The following CRTAC1 variants were observed in gnomAD, a reference collection of about 807,000 sequenced individuals.
The protein encoded by CRTAC1 is acidic secreted protein in cartilage.
CRTAC1 carries 37 observed loss-of-function variants against 67.8 expected under a neutral mutation model. That is an observed-to-expected ratio of 0.55 (90% CI 0.42 to 0.72). CRTAC1 has a LOEUF of 0.72. CRTAC1 is among the 30% of genes least tolerant of loss of function. CRTAC1 has a pLI of 0.00. For missense variants in CRTAC1, 780 were observed against 931.6 expected, an observed-to-expected ratio of 0.84 and a Z score of 2.12; for synonymous variants, 348 against 371.0, an observed-to-expected ratio of 0.94 and a Z score of 0.71.
At chr10:98,026,321 A>G (rs1392274366) in intron 1 of CRTAC1, among the ~76,000 whole-genome samples, 1 of 152,112 alleles carries the variant, frequency 6.6e-6, no homozygotes, top group Non-Finnish European at 1.5e-5. Context: ...TGAGAGGGGG[A>G]AGGGTCAGCC....
In CRTAC1 at chr10:97,895,316, GC is replaced by G; in HGVS notation, c.1414del (p.Ala472ProfsTer3). 2 of 1,613,806 alleles carry G rather than the reference GC, an allele frequency of 1.2e-6. No homozygotes were observed. The highest frequency in any genetic ancestry group is 2.2e-5 in the South Asian group (2 of 91,054). ...KVVLYTKKSG[A>X]HLRIIDGGSG... Reference sequence around the variant, plus strand: ...GCCCCCGTCGATGATCCTCAGGTGGGCCCCACTCTTCTTGGTGTAGAGCACG... The same window carrying G: ...GCCCCCGTCGATGATCCTCAGGTGGGCCCACTCTTCTTGGTGTAGAGCACG... On this transcript the variant is annotated frameshift_variant, in exon 11 of 15. Coordinates refer to ENST00000370597, the MANE Select transcript of CRTAC1 (RefSeq NM_018058.7). LOFTEE classifies it high-confidence loss of function. This position sits in a 1 kb window ranked among gnomAD's most constrained non-coding sequence, Gnocchi z 4.2.
intron 2 of CRTAC1, among the ~76,000 whole-genome samples, chr10:97,946,513 C>T (rs2051266434): frequency 6.6e-6 from 1 of 152,196 alleles, no homozygotes; most frequent in African/African-American, 2.4e-5. Context: ...CTGATTGGCT[C>T]AGGGTGGGTC....
chr10:97,914,573 C>A (rs2050732337), intron 5 of CRTAC1, among the ~76,000 whole-genome samples: 1 of 152,322 alleles, frequency 6.6e-6, no homozygotes, highest in South Asian at 2.1e-4. Context: ...GGCTCCAGAC[C>A]CTGTCCCCTC....
At chr10:97,987,286 C>T (rs1004321697) in intron 2 of CRTAC1, among the ~76,000 whole-genome samples, 1 of 152,198 alleles carries the variant, frequency 6.6e-6, no homozygotes, top group Non-Finnish European at 1.5e-5. Flanking sequence ...CTCTGAGACA[C>T]TGACTTTACT....
chr10:97,948,615 C>T (rs1391747707), intron 2 of CRTAC1, among the ~76,000 whole-genome samples: 1 of 152,184 alleles, frequency 6.6e-6, no homozygotes, highest in African/African-American at 2.4e-5. Context: ...TGTCATGTAC[C>T]AGCTGATGGG....
chr10:97,906,156 G>T (rs1310988135), intron 6 of CRTAC1, among the ~76,000 whole-genome samples: 1 of 152,144 alleles, frequency 6.6e-6, no homozygotes, highest in African/African-American at 2.4e-5. Context: ...CCTCCTGGGG[G>T]AGAGAAGGAG....
At chr10:97,901,998 C>T (rs914746692) in intron 7 of CRTAC1, among the ~76,000 whole-genome samples, 2 of 152,154 alleles carry the variant, frequency 1.3e-5, no homozygotes, top group African/African-American at 2.4e-5. Context: ...AGGGGAACTG[C>T]GATGTCACAG....
chr10:97,894,735 T>TG (rs1218612457), intron 11 of CRTAC1, among the ~76,000 whole-genome samples: 1 of 35,746 alleles, frequency 2.8e-5, no homozygotes, highest in Non-Finnish European at 6.1e-5. Context: ...TATATATATA[T>TG]ATATATATAT....
At chr10:98,024,802 C>G (rs899650803) in intron 1 of CRTAC1, among the ~76,000 whole-genome samples, 6 of 125,030 alleles carry the variant, frequency 4.8e-5, no homozygotes, top group Admixed American at 1.9e-4. Flanking sequence ...CCACCACACA[C>G]ACACACACAC....
At position 97,865,832 on chromosome 10, in the gene CRTAC1, G is replaced by A. The variant is rs538045743; in HGVS notation, c.1820-118C>T. 48 of 1,222,938 alleles carry A rather than the reference G, an allele frequency of 3.9e-5. 1 individual carries two copies. The African/African-American group carries it at 6.7e-4, about 17-fold the overall frequency. 75.8% of individuals were successfully genotyped at this position (1,222,938 alleles called of 1,614,324 possible). On this transcript the variant is annotated intron_variant, in intron 14 of 14. Transcript: ENST00000370597. ...ACCCTGCTGCCCGGGGTGGGAGGGAGGGTGACGGGCCTCATATTTCCTGTG... is the reference window on the plus strand; with the variant it reads ...ACCCTGCTGCCCGGGGTGGGAGGGAAGGTGACGGGCCTCATATTTCCTGTG...
chr10:97,918,141 C>A (rs763559562), intron 4 of CRTAC1, among the ~76,000 whole-genome samples: 6 of 152,198 alleles, frequency 3.9e-5, no homozygotes, highest in Non-Finnish European at 7.3e-5. Context: ...CTGTTCCCAC[C>A]CCGCGCTTCT....
chr10:98,022,944 G>A (rs1354792700), intron 1 of CRTAC1, among the ~76,000 whole-genome samples: 2 of 152,042 alleles, frequency 1.3e-5, no homozygotes, highest in East Asian at 1.9e-4. Context: ...AATAGTTTAC[G>A]TGTCAAGTTT....
At chr10:97,927,750 G>A (rs1025146547) in intron 3 of CRTAC1, among the ~76,000 whole-genome samples, 2 of 152,280 alleles carry the variant, frequency 1.3e-5, no homozygotes, top group East Asian at 1.9e-4. Context: ...CCTGGGCGAC[G>A]GGAGAGATGG....
intron 2 of CRTAC1, among the ~76,000 whole-genome samples, chr10:97,940,465 C>T (rs976524153): frequency 3.9e-5 from 6 of 152,362 alleles, no homozygotes; most frequent in Admixed American, 2.6e-4. Flanking sequence ...TGTTTTGAAG[C>T]AGCTATGGCT....
rs111601051 is a variant in CRTAC1 at position 97,955,959 on chromosome 10, T to C, written c.225-19593A>G. Among the ~76,000 whole-genome samples, 45 of 152,336 alleles carry C rather than the reference T, an allele frequency of 3.0e-4. 1 individual carries two copies. The highest frequency in any genetic ancestry group is 1.1e-3 in the African/African-American group (45 of 41,580). ...AATCACACAGATTTATTTATTGACA[T>C]TTGTGGGCCTCTGAATAACCTTGTA... On this transcript the variant is annotated intron_variant, in intron 2 of 14. Transcript: ENST00000370597.
intron 8 of CRTAC1, among the ~76,000 whole-genome samples, chr10:97,898,812 A>G (rs2050495631): frequency 6.6e-6 from 1 of 152,136 alleles, no homozygotes; most frequent in Admixed American, 6.5e-5. Context: ...TAGATGTGAA[A>G]GGGGGTGACC....
At chr10:97,874,131 G>A (rs534123992) in intron 14 of CRTAC1, among the ~76,000 whole-genome samples, 10 of 152,298 alleles carry the variant, frequency 6.6e-5, no homozygotes, top group Admixed American at 2.0e-4. Flanking sequence ...CCGGCAACCC[G>A]GCAGGAAAAA....
intron 1 of CRTAC1, among the ~76,000 whole-genome samples, chr10:98,024,872 T>C (rs1208064412): frequency 7.0e-6 from 1 of 143,046 alleles, no homozygotes; most frequent in Non-Finnish European, 1.5e-5. Context: ...TATTGCACAA[T>C]GAGTCAGTGG....
At chr10:98,010,590 G>A (rs900575712) in intron 2 of CRTAC1, among the ~76,000 whole-genome samples, 3 of 152,118 alleles carry the variant, frequency 2.0e-5, no homozygotes, top group African/African-American at 7.2e-5. Context: ...TGGTTTTCAG[G>A]AGAGAAAGGA....
Sources: gnomAD v4.1 joint callset for allele counts (sites outside exome capture counted in the v4.1 genomes callset) on GRCh38, gnomAD v4.1.1 for gene constraint, Gnocchi (gnomAD v3.1) non-coding constraint, MANE v1.5 for transcripts, NCBI Gene and HGNC (gene_info 2026-07-23, HGNC 2026-07-21) for gene names.